The following BICD1 variants were observed in gnomAD, a reference collection of about 807,000 sequenced individuals.
BICD1 encodes protein bicaudal D homolog 1.
BICD1 carries 35 observed loss-of-function variants against 92.5 expected under a neutral mutation model. That is an observed-to-expected ratio of 0.38 (90% CI 0.29 to 0.50). BICD1 has a LOEUF of 0.50. Among genes scored for constraint, BICD1 ranks in the 20% least tolerant of loss-of-function variants. BICD1 has a pLI of 0.93. For missense variants in BICD1, 950 were observed against 1,189.8 expected, an observed-to-expected ratio of 0.80 and a Z score of 2.97; for synonymous variants, 429 against 465.1, an observed-to-expected ratio of 0.92 and a Z score of 1.00.
chr12:32,146,881 C>T (rs1233808131), intron 1 of BICD1, among the ~76,000 whole-genome samples: 2 of 135,148 alleles, frequency 1.5e-5, no homozygotes, highest in Admixed American at 1.7e-4. Context: ...CTTCTTCTTC[C>T]TCCTCCTCCT....
intron 2 of BICD1, among the ~76,000 whole-genome samples, chr12:32,218,076 C>G (rs190151613): frequency 1.8e-3 from 280 of 152,276 alleles, no homozygotes; most frequent in African/African-American, 6.3e-3. Context: ...GCAGCTGAGC[C>G]AAGAACAGCC....
At chr12:32,273,346 C>T (rs550548331) in intron 2 of BICD1, among the ~76,000 whole-genome samples, 1 of 152,192 alleles carries the variant, frequency 6.6e-6, no homozygotes, top group South Asian at 2.1e-4. Context: ...AAAGGGTATA[C>T]TGGTAGAGTA....
chr12:32,241,896 A>T (rs1946246108), intron 2 of BICD1, among the ~76,000 whole-genome samples: 1 of 151,940 alleles, frequency 6.6e-6, no homozygotes, highest in Non-Finnish European at 1.5e-5. Context: ...TTCATGTTGG[A>T]TAAAGAAGAT....
chr12:32,112,426 G>A (rs1416173884), intron 1 of BICD1, among the ~76,000 whole-genome samples: 4 of 152,150 alleles, frequency 2.6e-5, no homozygotes, highest in African/African-American at 7.2e-5. Context: ...GTATGACAGC[G>A]ATGGTTTGAA....
chr12:32,312,409 A>T (rs934524844), intron 4 of BICD1, among the ~76,000 whole-genome samples: 1 of 152,214 alleles, frequency 6.6e-6, no homozygotes, highest in African/African-American at 2.4e-5. Flanking sequence ...ACCAAATGGG[A>T]TGGTAAATAT....
chr12:32,327,092 C>T (rs1393399114), intron 4 of BICD1, among the ~76,000 whole-genome samples: 1 of 152,108 alleles, frequency 6.6e-6, no homozygotes, highest in East Asian at 1.9e-4. Context: ...AGCAGATGTA[C>T]TCTAAGGCAC....
chr12:32,309,452 A>G (rs1306456906), intron 4 of BICD1, among the ~76,000 whole-genome samples: 1 of 152,186 alleles, frequency 6.6e-6, no homozygotes, highest in Non-Finnish European at 1.5e-5. Flanking sequence ...CTCCACTGGG[A>G]TCAGATGCAG....
chr12:32,337,772 A>G lies in BICD1; in HGVS notation c.2526A>G (p.Pro842=). The change falls in exon 7 of 10, where the codon CCA becomes CCG. Residue 842 remains proline, a synonymous_variant. Coordinates refer to ENST00000652176, the MANE Select transcript of BICD1 (RefSeq NM_001714.4). This position sits in a 1 kb window ranked among gnomAD's most constrained non-coding sequence, Gnocchi z 4.7. ...CTTACCTCCTGCATAGTCAGGGCCC[A>G]CAGACACCCAACATTCGGGTCAGCA... ...IDTYLLHSQG[P]QTPNIRVSSG... The G allele has an allele frequency of 6.2e-7, 1 of 1,614,174 alleles. No individual in the cohort carries two copies. The highest frequency in any genetic ancestry group is 1.1e-5 in the South Asian group (1 of 91,078).
chr12:32,291,255 G>A (rs1209914782), intron 2 of BICD1, among the ~76,000 whole-genome samples: 2 of 152,124 alleles, frequency 1.3e-5, no homozygotes, highest in Non-Finnish European at 2.9e-5. Context: ...ATAGAATATG[G>A]GCCGGGTGTA....
intron 2 of BICD1, among the ~76,000 whole-genome samples, chr12:32,242,198 A>G (rs11051868): frequency 0.048 from 6,698 of 138,256 alleles, 274 homozygotes; most frequent in East Asian, 0.22. Context: ...CCTAGGATAC[A>G]GAGTGAGACC....
chr12:32,162,051 A>G (rs1034327481), intron 1 of BICD1, among the ~76,000 whole-genome samples: 1 of 152,190 alleles, frequency 6.6e-6, no homozygotes, highest in Non-Finnish European at 1.5e-5. Flanking sequence ...GGGAATGGAC[A>G]CTGCAACTTC....
rs147946184 is a variant in BICD1, at chr12:32,338,858, A to T, written c.2643A>T (p.Leu881Phe). 1.2e-4 allele frequency: 200 copies of T among 1,605,752 alleles called. No individual in the cohort carries two copies. The highest frequency in any genetic ancestry group is 1.6e-4 in the Non-Finnish European group (186 of 1,176,558). ...TSGASYLQNL[L>F]RVPPDPTSTE... ...GGGCTTCCTACCTACAGAATTTATT[A>T]AGAGTTCCCCCTGATCCCACCTCCA... Residue 881 changes from leucine to phenylalanine, a missense_variant, in exon 8 of 10, where the codon TTA becomes TTT. Coordinates refer to ENST00000652176, the MANE Select transcript of BICD1 (RefSeq NM_001714.4).
intron 1 of BICD1, among the ~76,000 whole-genome samples, chr12:32,124,000 G>C (rs1282000146): frequency 6.6e-6 from 1 of 152,180 alleles, no homozygotes; most frequent in Non-Finnish European, 1.5e-5. Context: ...GCGCTGACTT[G>C]CCTGGTTCCT....
chr12:32,123,651 C>T (rs1014084893), intron 1 of BICD1, among the ~76,000 whole-genome samples: 1 of 151,998 alleles, frequency 6.6e-6, no homozygotes, highest in African/African-American at 2.4e-5. Flanking sequence ...CTGAGGCGGG[C>T]GGATCACCTG....
At chr12:32,367,771 C>T (rs760865215) in intron 9 of BICD1, 26 bp downstream of exon 9, 117 of 1,592,936 alleles carry the variant, frequency 7.3e-5, no homozygotes, top group Non-Finnish European at 9.8e-5. Context: ...CTTTCCCTTC[C>T]ACCCAGCTGC....
intron 1 of BICD1, among the ~76,000 whole-genome samples, chr12:32,202,092 A>G (rs560259975): frequency 8.5e-5 from 13 of 152,200 alleles, no homozygotes; most frequent in Non-Finnish European, 1.5e-4. Context: ...CCATTTTTGA[A>G]CCCAAGATTT....
At chr12:32,318,879 T>C (rs1365389197) in intron 4 of BICD1, among the ~76,000 whole-genome samples, 1 of 152,166 alleles carries the variant, frequency 6.6e-6, no homozygotes, top group Non-Finnish European at 1.5e-5. Flanking sequence ...TTCTGAAGTA[T>C]ATTATTTTTT....
chr12:32,155,361 A>C (rs1056055062), intron 1 of BICD1, among the ~76,000 whole-genome samples: 1 of 152,258 alleles, frequency 6.6e-6, no homozygotes, highest in Non-Finnish European at 1.5e-5. Context: ...ATATGCAAAA[A>C]GGAGAATTTC....
At chr12:32,376,880 G>T (rs1041162139) in intron 9 of BICD1, among the ~76,000 whole-genome samples, 4 of 135,790 alleles carry the variant, frequency 2.9e-5, no homozygotes, top group Non-Finnish European at 4.7e-5. Flanking sequence ...AAAAAAAGGG[G>T]GGGGGGGGTG....
Sources: gnomAD v4.1 joint callset for allele counts (sites outside exome capture counted in the v4.1 genomes callset) on GRCh38, gnomAD v4.1.1 for gene constraint, Gnocchi (gnomAD v3.1) non-coding constraint, MANE v1.5 for transcripts, NCBI Gene and HGNC (gene_info 2026-07-23, HGNC 2026-07-21) for gene names.